Variants in EMCN observed in about 807,000 individuals in gnomAD.
EMCN encodes endomucin.
A neutral mutation model predicts 38.4 loss-of-function variants in EMCN; 37 were observed. The ratio of observed to expected loss-of-function variants is 0.96; its 90% confidence interval spans 0.74 to 1.27. The LOEUF (loss-of-function observed/expected upper bound fraction) is 1.27. Among genes scored for constraint, EMCN ranks in the 50% most tolerant of loss-of-function variants. The probability of loss-of-function intolerance (pLI) is 0.00; values close to 1 mark genes in which losing one functional copy is unlikely to be tolerated. For missense variants in EMCN, 318 were observed against 302.8 expected (o/e 1.05, Z -0.37); for synonymous variants, 95 against 100.8 (o/e 0.94, Z 0.35).
At chr4:100,485,876 G>C (rs1339234571) in intron 1 of EMCN, among the ~76,000 whole-genome samples, 5 of 151,988 alleles carry the variant, frequency 3.3e-5, no homozygotes, top group African/African-American at 1.2e-4. Flanking sequence ...AATTTCTTCT[G>C]TTTGCCTTCC....
chr4:100,436,384 GA>G (rs1324629429), intron 5 of EMCN, among the ~76,000 whole-genome samples: 2 of 152,116 alleles, frequency 1.3e-5, no homozygotes, highest in African/African-American at 4.8e-5. Flanking sequence ...AGATTGCAGA[GA>G]AAAAGGAATG....
At chr4:100,456,895 A>G (rs1359591076) in intron 4 of EMCN, among the ~76,000 whole-genome samples, 2 of 152,118 alleles carry the variant, frequency 1.3e-5, no homozygotes, top group African/African-American at 2.4e-5. Flanking sequence ...TATTTTGTCA[A>G]CTAATGAGAA....
intron 5 of EMCN, among the ~76,000 whole-genome samples, chr4:100,439,016 A>G (rs970612739): frequency 1.3e-5 from 2 of 151,960 alleles, no homozygotes; most frequent in Non-Finnish European, 2.9e-5. Flanking sequence ...AATCCTCAAT[A>G]TTTTACTAAG....
intron 2 of EMCN, among the ~76,000 whole-genome samples, chr4:100,475,747 G>C (rs1309299592): frequency 1.5e-5 from 2 of 131,654 alleles, no homozygotes; most frequent in African/African-American, 5.8e-5. Flanking sequence ...GCGCGATCTC[G>C]GCTCACTGCA....
At chr4:100,402,242 T>A (rs1726279060) in intron 11 of EMCN, among the ~76,000 whole-genome samples, 1 of 152,146 alleles carries the variant, frequency 6.6e-6, no homozygotes, top group African/African-American at 2.4e-5. Flanking sequence ...TTAAACATAA[T>A]ACTGTGCACT....
chr4:100,436,570 A>T (rs1357378765), intron 5 of EMCN, among the ~76,000 whole-genome samples: 2 of 152,194 alleles, frequency 1.3e-5, no homozygotes, highest in East Asian at 3.8e-4. Context: ...GCATATGTTC[A>T]TTGCAGCACT....
chr4:100,408,241 G>T (rs541596465), intron 11 of EMCN, among the ~76,000 whole-genome samples: 1 of 152,242 alleles, frequency 6.6e-6, no homozygotes, highest in Admixed American at 6.5e-5. Context: ...TTTTATTCTG[G>T]TTAAGAATCA....
Position 100,475,055 on chromosome 4 carries a change from A to C in EMCN, c.242T>G (p.Leu81Ter), listed in dbSNP as rs778533274. ...TTACTCACCTTCATCTTTACTTGTTAAAAAAGTAGCTGTTGACATCAGAGA... is the reference window on the plus strand; with the variant it reads ...TTACTCACCTTCATCTTTACTTGTTCAAAAAGTAGCTGTTGACATCAGAGA... Reference protein sequence around the residue: ...KMSLMSTATFLTSKDEGLKAT... With the variant: ...KMSLMSTATF Residue 81 changes from leucine (L) to a stop codon, truncating the protein, a stop_gained, in exon 3 of 12, where the codon TTA becomes TGA. Transcript: ENST00000296420. LOFTEE classifies it high-confidence loss of function. 1 of 1,533,802 alleles carries C rather than the reference A, an allele frequency of 6.5e-7. No homozygotes were observed. The highest frequency in any genetic ancestry group is 8.9e-7 in the Non-Finnish European group (1 of 1,128,936).
intron 3 of EMCN, among the ~76,000 whole-genome samples, chr4:100,467,376 A>AT (rs1407109167): frequency 1.3e-5 from 2 of 152,220 alleles, no homozygotes; most frequent in Admixed American, 6.5e-5. Flanking sequence ...GTTGACTAAC[A>AT]TTTATTAAGA....
chr4:100,417,335 A>G (rs1311815476), intron 8 of EMCN, among the ~76,000 whole-genome samples, 194 bp from the exon 9 acceptor site: 1 of 152,172 alleles, frequency 6.6e-6, no homozygotes, highest in Non-Finnish European at 1.5e-5. Context: ...CCTGGCACTC[A>G]TGGGATAGTC....
intron 5 of EMCN, among the ~76,000 whole-genome samples, chr4:100,444,664 G>A (rs1296792445): frequency 6.6e-6 from 1 of 152,100 alleles, no homozygotes; most frequent in Admixed American, 6.5e-5. Context: ...CTGGTGGATG[G>A]TATGCTATTA....
intron 5 of EMCN, among the ~76,000 whole-genome samples, chr4:100,445,260 T>C (rs1727636571): frequency 6.6e-6 from 1 of 152,226 alleles, no homozygotes; most frequent in South Asian, 2.1e-4. Context: ...AACATGGATC[T>C]ATTTTTGTTT....
chr4:100,480,548 A>G (rs538157197), intron 1 of EMCN, among the ~76,000 whole-genome samples: 2 of 149,516 alleles, frequency 1.3e-5, no homozygotes, highest in South Asian at 2.2e-4. Flanking sequence ...GAGTATACAT[A>G]TATACATATA....
intron 1 of EMCN, among the ~76,000 whole-genome samples, chr4:100,505,686 C>T (rs1416085176): frequency 6.6e-6 from 1 of 152,096 alleles, no homozygotes; most frequent in Non-Finnish European, 1.5e-5. Flanking sequence ...GTGAGCACAG[C>T]TTACGGCGCC....
chr4:100,504,000 A>T (rs1336956534), intron 1 of EMCN, among the ~76,000 whole-genome samples: 1 of 152,208 alleles, frequency 6.6e-6, no homozygotes, highest in African/African-American at 2.4e-5. Context: ...GCAAATTTTC[A>T]AGTAAAATAT....
rs746450859 is a variant in EMCN at position 100,417,138 on chromosome 4, G to T, written c.668C>A (p.Thr223Lys). Residue 223 changes from threonine (T) to lysine (K), a missense_variant, in exon 9 of 12, where the codon ACA (threonine) becomes AAA (lysine). By Grantham distance (78) the Thr-to-Lys change is moderately conservative. Transcript: ENST00000296420. The part of the protein sequence containing the change: ...YRMCWKADPG[T>K]PENGNDQPQS... ...TTACTGATCATTTCCATTTTCTGGT[G>T]TGCCTAGGAGAAGAGGGAGTTGTTA... The T allele has an allele frequency of 1.2e-6, 2 of 1,613,744 alleles. No individual in the cohort carries two copies. The highest frequency in any genetic ancestry group is 1.7e-6 in the Non-Finnish European group (2 of 1,179,736).
chr4:100,480,172 C>A (rs1158352310), intron 1 of EMCN, 133 bp from the exon 2 acceptor site: 2 of 702,904 alleles, frequency 2.8e-6, no homozygotes, highest in Non-Finnish European at 4.5e-6. Flanking sequence ...TCAATTTATC[C>A]TTAGCTCAGC....
At chr4:100,464,364 A>C (rs911562088) in intron 4 of EMCN, among the ~76,000 whole-genome samples, 2 of 152,052 alleles carry the variant, frequency 1.3e-5, no homozygotes, top group East Asian at 3.8e-4. Flanking sequence ...CTTCCTTTTC[A>C]ATCTAAATGT....
intron 11 of EMCN, among the ~76,000 whole-genome samples, chr4:100,406,935 T>C (rs772050636): frequency 3.9e-5 from 6 of 152,182 alleles, no homozygotes; most frequent in South Asian, 2.1e-4. Context: ...ATATTTAGGA[T>C]AGTTAAGTCT....
Sources: allele counts gnomAD v4.1 joint callset (sites outside exome capture counted in the v4.1 genomes callset), GRCh38; gene constraint gnomAD v4.1.1; transcripts MANE v1.5; gene names NCBI Gene and HGNC (gene_info 2026-07-23, HGNC 2026-07-21).